CNTNAP2: variants seen among roughly 807,000 people sequenced by gnomAD.
CNTNAP2 encodes the protein contactin-associated protein-like 2.
A neutral mutation model predicts 155.2 loss-of-function variants in CNTNAP2; 98 were observed. The observed-to-expected ratio is 0.63, with a 90% CI of 0.54 to 0.75. The LOEUF is 0.75. CNTNAP2 is among the 30% of genes least tolerant of loss of function. CNTNAP2 has a pLI of 0.00. For synonymous variants in CNTNAP2, 651 were observed against 631.2 expected (o/e 1.03, Z -0.47); for missense variants, 1,727 against 1,688.1 (o/e 1.02, Z -0.40).
chr7:148,180,291 C>T (rs1307678072), intron 18 of CNTNAP2, among the ~76,000 whole-genome samples: 1 of 152,106 alleles, frequency 6.6e-6, no homozygotes, highest in African/African-American at 2.4e-5. Flanking sequence ...CCCAAAGGAA[C>T]AAGAATAGAA....
intron 15 of CNTNAP2, among the ~76,000 whole-genome samples, chr7:148,047,296 A>C (rs1802791952): frequency 6.6e-6 from 1 of 152,236 alleles, no homozygotes; most frequent in Non-Finnish European, 1.5e-5. Context: ...CAGTATATTC[A>C]TCAACCTATC....
chr7:146,625,865 G>T (rs1471840295), intron 1 of CNTNAP2, among the ~76,000 whole-genome samples: 1 of 151,964 alleles, frequency 6.6e-6, no homozygotes, highest in Non-Finnish European at 1.5e-5. Context: ...CACACAAGCT[G>T]GGATGTTACC....
chr7:146,379,572 T>C (rs1453885165), intron 1 of CNTNAP2, among the ~76,000 whole-genome samples: 1 of 152,214 alleles, frequency 6.6e-6, no homozygotes, highest in Non-Finnish European at 1.5e-5. Context: ...TAGGTAACGC[T>C]ACTCATGTTA....
intron 13 of CNTNAP2, among the ~76,000 whole-genome samples, chr7:147,885,517 C>G (rs187739464): frequency 6.6e-6 from 1 of 152,122 alleles, no homozygotes; most frequent in African/African-American, 2.4e-5. Context: ...AACTCCACCC[C>G]CCGCCACCCC....
At chr7:146,452,644 A>C (rs1796500569) in intron 1 of CNTNAP2, among the ~76,000 whole-genome samples, 1 of 152,222 alleles carries the variant, frequency 6.6e-6, no homozygotes, top group Non-Finnish European at 1.5e-5. Flanking sequence ...TTCTTTCTTT[A>C]AACTTAACTT....
chr7:147,282,075 C>A (rs1325574214), intron 8 of CNTNAP2, among the ~76,000 whole-genome samples: 1 of 151,886 alleles, frequency 6.6e-6, no homozygotes, highest in African/African-American at 2.4e-5. Context: ...ATCCGGCTTA[C>A]TGTTTCAAAT....
intron 15 of CNTNAP2, among the ~76,000 whole-genome samples, chr7:148,103,732 T>C (rs980119216): frequency 6.6e-6 from 1 of 152,214 alleles, no homozygotes; most frequent in Non-Finnish European, 1.5e-5. Context: ...GAGCATTCAT[T>C]TCCGTTTGGA....
At chr7:146,532,827 G>A (rs780014040) in intron 1 of CNTNAP2, among the ~76,000 whole-genome samples, 53 of 152,058 alleles carry the variant, frequency 3.5e-4, no homozygotes, top group Admixed American at 7.2e-4. Flanking sequence ...GATCAGGCCT[G>A]TAATCCCAGC....
At chr7:148,255,717 G>T (rs569707350) in intron 20 of CNTNAP2, among the ~76,000 whole-genome samples, 1 of 152,290 alleles carries the variant, frequency 6.6e-6, no homozygotes, top group East Asian at 1.9e-4. Flanking sequence ...ATAGCAGTAA[G>T]TACTTATTAT....
At chr7:146,806,230 G>A (rs1430277637) in intron 2 of CNTNAP2, among the ~76,000 whole-genome samples, 1 of 152,096 alleles carries the variant, frequency 6.6e-6, no homozygotes, top group African/African-American at 2.4e-5. Context: ...AGTGGCTCAT[G>A]CCTGTAATCC....
chr7:147,107,161 G>A (rs1013601899), intron 4 of CNTNAP2, among the ~76,000 whole-genome samples: 2 of 152,070 alleles, frequency 1.3e-5, no homozygotes, highest in Admixed American at 6.6e-5. Context: ...TCATGGTAAC[G>A]AAGCTTCTAT....
intron 1 of CNTNAP2, among the ~76,000 whole-genome samples, chr7:146,683,495 C>T (rs1465246045): frequency 1.3e-5 from 2 of 152,302 alleles, no homozygotes; most frequent in East Asian, 3.9e-4. Context: ...ACCAGATGAA[C>T]TCAAACTACA....
At chr7:148,150,315 G>A (rs1279222726) in intron 17 of CNTNAP2, among the ~76,000 whole-genome samples, 1 of 152,090 alleles carries the variant, frequency 6.6e-6, no homozygotes, top group African/African-American at 2.4e-5. Flanking sequence ...TTGGGAGGCT[G>A]AGGCAGGCGG....
intron 18 of CNTNAP2, among the ~76,000 whole-genome samples, chr7:148,180,055 G>C (rs1298776626): frequency 2.0e-5 from 3 of 152,242 alleles, no homozygotes; most frequent in African/African-American, 7.2e-5. Flanking sequence ...TAAACAAATA[G>C]GGAGAAAAAG....
At chr7:147,867,087 CG>C (rs1799243253) in intron 13 of CNTNAP2, among the ~76,000 whole-genome samples, 2 of 152,056 alleles carry the variant, frequency 1.3e-5, no homozygotes, top group Admixed American at 6.6e-5. Context: ...TGGATGATAC[CG>C]GTTGTTTCTT....
At chr7:148,272,618 ATAAACT>A (rs1437892125) in intron 21 of CNTNAP2, among the ~76,000 whole-genome samples, 2 of 152,142 alleles carry the variant, frequency 1.3e-5, no homozygotes, top group African/African-American at 2.4e-5. Flanking sequence ...TGTAATAGAA[ATAAACT>A]TAATTGCAGC....
intron 4 of CNTNAP2, among the ~76,000 whole-genome samples, chr7:147,049,859 G>A (rs531156273): frequency 3.3e-5 from 5 of 152,260 alleles, no homozygotes; most frequent in Admixed American, 1.3e-4. Context: ...TTTCCTTTGT[G>A]CAGTTCCTCC....
At chr7:146,218,876 C>T (rs994697615) in intron 1 of CNTNAP2, among the ~76,000 whole-genome samples, 1 of 152,132 alleles carries the variant, frequency 6.6e-6, no homozygotes, top group Non-Finnish European at 1.5e-5. Context: ...CTGGATCTCT[C>T]TGGAAGGGCA....
At chr7:148,147,785 A>G in intron 17 of CNTNAP2, 76 bp downstream of exon 17, 1 of 1,179,274 alleles carries the variant, frequency 8.5e-7, no homozygotes, top group East Asian at 2.6e-5. Flanking sequence ...AAAAAAAAAA[A>G]TCAGCCTATG....
Sources: allele counts gnomAD v4.1 joint callset (sites outside exome capture counted in the v4.1 genomes callset), GRCh38; gene constraint gnomAD v4.1.1; transcripts MANE v1.5; gene names NCBI Gene and HGNC (gene_info 2026-07-23, HGNC 2026-07-21).